SP7: variants seen among roughly 807,000 people sequenced by gnomAD.
The protein encoded by SP7 is Sp7 transcription factor.
Under a neutral mutation model 27.9 loss-of-function variants are expected in SP7, and 13 were observed. The ratio of observed to expected loss-of-function variants is 0.47; its 90% CI spans 0.30 to 0.74. The LOEUF (loss-of-function observed/expected upper bound fraction) is 0.74, where lower values mean the gene tolerates loss of function less well. SP7 is among the 30% of genes least tolerant of loss of function. The probability of loss-of-function intolerance (pLI) is 0.06; values close to 1 mark genes in which losing one functional copy is unlikely to be tolerated. For missense variants in SP7, 525 were observed against 558.0 expected, an observed-to-expected ratio of 0.94 and a Z score of 0.60; for synonymous variants, 219 against 226.7, an observed-to-expected ratio of 0.97 and a Z score of 0.31.
Position 53,328,752 on chromosome 12 carries a change from T to A in SP7, c.690A>T (p.Lys230Asn). 6.2e-7 allele frequency: 1 copy of A among 1,605,428 alleles called. No individual in the cohort carries two copies. Among genetic ancestry groups the A allele is most frequent in the Non-Finnish European group, 8.5e-7 (1 of 1,173,702 alleles). The change falls in exon 3 of 3, where the codon AAA becomes AAT. Residue 230 changes from lysine (K) to asparagine (N), a missense_variant. Coordinates refer to ENST00000536324, the MANE Select transcript of SP7 (RefSeq NM_001173467.3). This position sits in a 1 kb window ranked among gnomAD's most constrained non-coding sequence, Gnocchi z 5.1. ...GCCCACTATTTCCCACTGCCTTGGGTTTATAGACATCTTGGGGCAAGACAT... is the reference window on the plus strand; with the variant it reads ...GCCCACTATTTCCCACTGCCTTGGGATTATAGACATCTTGGGGCAAGACAT... Reference protein sequence around the residue: ...PQHVLPQDVYKPKAVGNSGQL... With the variant: ...PQHVLPQDVYNPKAVGNSGQL...
At chr12:53,340,043 T>C (rs116065789), upstream of SP7, among the ~76,000 whole-genome samples, 1,572 of 152,210 alleles carry the variant, frequency 0.01, 24 homozygotes, top group African/African-American at 0.036. Flanking sequence ...AGGTGACACA[T>C]AATTCATACA....
In SP7 at chr12:53,344,061, A is replaced by T. The variant is rs1944843613; in HGVS notation, c.-34+1053T>A. On this transcript the variant is annotated intron_variant, in intron 1 of 1. Coordinates refer to the SP7 transcript ENST00000547755. The surrounding 1 kb of genome is among the most constrained non-coding windows in gnomAD (Gnocchi z 4.6). ...AGACTCTGTCTCAAGAAAAAAAAAA[A>T]TAAAAAAATAAGTCAATGAAGGGGT... Among the ~76,000 whole-genome samples, 1 of 152,084 alleles carries T rather than the reference A, an allele frequency of 6.6e-6. No individual in the cohort carries two copies.
upstream of SP7, among the ~76,000 whole-genome samples, chr12:53,341,181 G>T (rs368740272): frequency 2.6e-5 from 4 of 152,282 alleles, no homozygotes; most frequent in East Asian, 7.7e-4. Context: ...TCTCTGCTAG[G>T]TCTCCCCATC....
At chr12:53,337,966 T>A (rs114378688), upstream of SP7, among the ~76,000 whole-genome samples, 1,268 of 151,918 alleles carry the variant, frequency 8.3e-3, 13 homozygotes, top group African/African-American at 0.029. Context: ...GATGTGTGGC[T>A]TTAAACAACA....
At chr12:53,334,331 T>TACACAC (rs57611228) in intron 2 of SP7, among the ~76,000 whole-genome samples, 1,755 of 139,578 alleles carry the variant, frequency 0.013, 14 homozygotes, top group East Asian at 0.052. Flanking sequence ...TGGCCCAACT[T>TACACAC]ACACACACAC....
chr12:53,329,262 C>T lies in SP7; in HGVS notation c.180G>A (p.Met60Ile). ...TAAAGGGGGCTGGATAAGCATCCCC[C>T]ATGGTTTTGGAGGCTGAAAGGTCAC... The part of the protein sequence containing the change: ...VGSDLSASKT[M>I]GDAYPAPFTS... The change falls in exon 3 of 3, where the codon ATG becomes ATA. Residue 60 changes from methionine to isoleucine, a missense_variant. Transcript: ENST00000536324. 6.2e-7 allele frequency: 1 copy of T among 1,613,808 alleles called. No homozygotes were observed. The highest frequency in any genetic ancestry group is 8.5e-7 in the Non-Finnish European group (1 of 1,179,882).
chr12:53,342,238 G>A (rs1375240746), intron 1 of SP7, among the ~76,000 whole-genome samples: 1 of 151,674 alleles, frequency 6.6e-6, no homozygotes, highest in Non-Finnish European at 1.5e-5. Flanking sequence ...ACTCCAGCCT[G>A]GAAGACAAGC....
intron 2 of SP7, 136 bp downstream of exon 2, chr12:53,335,490 C>T: frequency 1.4e-6 from 1 of 716,380 alleles, no homozygotes; most frequent in Non-Finnish European, 2.6e-6. Context: ...CCCCACTCCT[C>T]TCTCCTCATC....
At chr12:53,329,617 G>A (rs905512342) in intron 2 of SP7, among the ~76,000 whole-genome samples, 197 bp from the exon 3 acceptor site, 1 of 152,176 alleles carries the variant, frequency 6.6e-6, no homozygotes, top group Non-Finnish European at 1.5e-5. Context: ...TGGAGTCGTG[G>A]GAAGAAGAAC....
In SP7 at chr12:53,327,731, G is replaced by GT. The variant is rs1323483275; in HGVS notation, c.*414dup. The GT allele has an allele frequency of 5.2e-6, 1 of 192,778 alleles. No individual in the cohort carries two copies. The highest frequency in any genetic ancestry group is 2.3e-5 in the African/African-American group (1 of 42,696). The allele number at this position is 192,778 out of a possible 1,614,324, so 11.9% of individuals were successfully genotyped here. ...GTTCTGGAGAATGGAAAGCAATGGT[G>GT]TAAGAAGTTGGGAAGACTGAAGCCT... On this transcript the variant is annotated 3_prime_UTR_variant, in exon 3 of 3. Coordinates refer to ENST00000536324, the MANE Select transcript of SP7 (RefSeq NM_001173467.3).
intron 2 of SP7, among the ~76,000 whole-genome samples, chr12:53,333,754 T>C (rs915390368): frequency 4.5e-5 from 2 of 44,002 alleles, no homozygotes; most frequent in African/African-American, 1.3e-4. Context: ...AGCCCACCCA[T>C]ACAAGGTGGA....
At chr12:53,342,817 AAAATAAATAAAT>A (rs554569574) in intron 1 of SP7, among the ~76,000 whole-genome samples, 1 of 151,704 alleles carries the variant, frequency 6.6e-6, no homozygotes, top group African/African-American at 2.4e-5. Context: ...TCCGTCTCAA[AAAATAAATAAAT>A]AAATAAATAA....
intron 2 of SP7, among the ~76,000 whole-genome samples, chr12:53,330,352 C>T (rs1944690658): frequency 6.6e-6 from 1 of 152,058 alleles, no homozygotes; most frequent in South Asian, 2.1e-4. Flanking sequence ...CGCACCCAGC[C>T]AAAAAAATAT....
chr12:53,340,033 A>G (rs562121204), upstream of SP7, among the ~76,000 whole-genome samples: 5 of 152,274 alleles, frequency 3.3e-5, no homozygotes, highest in African/African-American at 1.2e-4. Context: ...CACACACACA[A>G]GGTGACACAT....
rs1409406279 is a variant in SP7 at position 53,335,668 on chromosome 12, C to G, written c.-22G>C. The G allele has an allele frequency of 5.3e-6, 8 of 1,512,218 alleles. No individual in the cohort carries two copies. Among genetic ancestry groups the G allele is most frequent in the Non-Finnish European group, 6.2e-6 (7 of 1,124,464 alleles). The allele number at this position is 1,512,218 out of a possible 1,614,324, so 93.7% of individuals were successfully genotyped here. On this transcript the variant is annotated 5_prime_UTR_variant, in exon 2 of 3. Transcript: ENST00000536324. The stretch of plus-strand genomic sequence containing the variant: ...CCATCCTGAGGCTGGGGAACGGGTC[C>G]CAAGGAGCCAGGCAGATGGAGAGAG...
chr12:53,336,604 C>T (rs1189061060), upstream of SP7, among the ~76,000 whole-genome samples: 1 of 152,092 alleles, frequency 6.6e-6, no homozygotes, highest in Non-Finnish European at 1.5e-5. Context: ...GACGGACACA[C>T]ACAAATGCAC....
chr12:53,331,225 A>G (rs890131356), intron 2 of SP7, among the ~76,000 whole-genome samples: 2 of 152,020 alleles, frequency 1.3e-5, no homozygotes, highest in African/African-American at 2.4e-5. Context: ...TAATCCCAGC[A>G]CTTTGGGAAG....
intron 2 of SP7, among the ~76,000 whole-genome samples, chr12:53,331,910 A>G (rs952270465): frequency 1.3e-5 from 2 of 152,198 alleles, no homozygotes; most frequent in Admixed American, 1.3e-4. Flanking sequence ...TGGGGTTGCC[A>G]TGAGGCATGT....
intron 2 of SP7, among the ~76,000 whole-genome samples, chr12:53,332,388 G>T (rs1460617105): frequency 6.6e-6 from 1 of 152,092 alleles, no homozygotes; most frequent in Non-Finnish European, 1.5e-5. Flanking sequence ...GACCAGCCTG[G>T]GCAACATAGT....
Sources: gnomAD v4.1 joint callset for allele counts (sites outside exome capture counted in the v4.1 genomes callset) on GRCh38, gnomAD v4.1.1 for gene constraint, Gnocchi (gnomAD v3.1) non-coding constraint, MANE v1.5 for transcripts, NCBI Gene and HGNC (gene_info 2026-07-23, HGNC 2026-07-21) for gene names.